The following ROBO2 variants were observed in gnomAD, a reference collection of about 807,000 sequenced individuals.
ROBO2 encodes the protein roundabout guidance receptor 2.
In ROBO2, 53 loss-of-function variants were observed where a neutral mutation model predicts 160.8. The observed-to-expected ratio is 0.33, with a 90% CI of 0.26 to 0.41. The LOEUF (loss-of-function observed/expected upper bound fraction) is 0.41, where lower values mean the gene tolerates loss of function less well. Among genes scored for constraint, ROBO2 ranks in the 10% least tolerant of loss-of-function variants. The pLI is 1.00. For missense variants in ROBO2, 1,577 were observed against 1,722.4 expected, an observed-to-expected ratio of 0.92 and a Z score of 1.49; for synonymous variants, 664 against 611.7, an observed-to-expected ratio of 1.09 and a Z score of -1.26.
intron 6 of ROBO2, among the ~76,000 whole-genome samples, chr3:77,534,874 G>C (rs544090851): frequency 6.6e-5 from 10 of 152,116 alleles, no homozygotes; most frequent in Non-Finnish European, 2.9e-5. Flanking sequence ...TACATGTGGT[G>C]GGGGCACACA....
At chr3:76,051,214 T>C (rs2067643843) in intron 2 of ROBO2, among the ~76,000 whole-genome samples, 1 of 152,126 alleles carries the variant, frequency 6.6e-6, no homozygotes, top group African/African-American at 2.4e-5. Flanking sequence ...AACTCTAAAA[T>C]ACATTTTCTT....
intron 2 of ROBO2, among the ~76,000 whole-genome samples, chr3:77,473,614 A>C (rs1259331632): frequency 6.6e-6 from 1 of 151,448 alleles, no homozygotes; most frequent in South Asian, 2.1e-4. Context: ...CCACTGCGCC[A>C]GGCTAATTTT....
chr3:76,812,318 T>C (rs961322320), intron 2 of ROBO2, among the ~76,000 whole-genome samples: 1 of 115,404 alleles, frequency 8.7e-6, no homozygotes, highest in Non-Finnish European at 1.9e-5. Context: ...TTAAAAATTA[T>C]ACAAATTTTA....
chr3:77,237,873 CCTG>C, intron 2 of ROBO2, among the ~76,000 whole-genome samples: 2 of 152,274 alleles, frequency 1.3e-5, no homozygotes, highest in East Asian at 3.9e-4. Context: ...AATGACAGTT[CCTG>C]TTGATCCACA....
At chr3:76,197,498 A>G (rs184764440) in intron 2 of ROBO2, among the ~76,000 whole-genome samples, 145 of 140,854 alleles carry the variant, frequency 1.0e-3, no homozygotes, top group Middle Eastern at 5.1e-3. Context: ...ATCTGGGACT[A>G]CCTTTCTCCT....
chr3:75,996,811 C>T (rs553962413), intron 2 of ROBO2, among the ~76,000 whole-genome samples: 4 of 149,874 alleles, frequency 2.7e-5, no homozygotes, highest in African/African-American at 9.8e-5. Flanking sequence ...TGTAAATCAT[C>T]AATTCTGATA....
At chr3:77,305,165 T>C (rs1320487724) in intron 2 of ROBO2, among the ~76,000 whole-genome samples, 1 of 152,212 alleles carries the variant, frequency 6.6e-6, no homozygotes, top group Non-Finnish European at 1.5e-5. Flanking sequence ...TTTAGGGAGA[T>C]TTTCACTCTT....
At chr3:77,321,929 G>C (rs2064750616) in intron 2 of ROBO2, among the ~76,000 whole-genome samples, 1 of 152,058 alleles carries the variant, frequency 6.6e-6, no homozygotes, top group Non-Finnish European at 1.5e-5. Context: ...CAAGAGTTTG[G>C]GCACAGTGCA....
chr3:77,622,111 G>A, intron 22 of ROBO2, 116 bp from the exon 24 acceptor site: 2 of 882,840 alleles, frequency 2.3e-6, no homozygotes, highest in Admixed American at 5.0e-5. Context: ...TCCTAAATTA[G>A]TTAATGGAAA....
intron 2 of ROBO2, among the ~76,000 whole-genome samples, chr3:76,732,593 ATT>A (rs1388038747): frequency 6.6e-6 from 1 of 151,982 alleles, no homozygotes; most frequent in African/African-American, 2.4e-5. Context: ...GTTTTATTAA[ATT>A]TTTTTGGCCC....
At chr3:76,629,251 T>C (rs1429660933) in intron 2 of ROBO2, among the ~76,000 whole-genome samples, 1 of 152,196 alleles carries the variant, frequency 6.6e-6, no homozygotes, top group Non-Finnish European at 1.5e-5. Flanking sequence ...GCAACCAAAA[T>C]ATAGTAACAA....
At chr3:77,311,703 T>G (rs1302277180) in intron 2 of ROBO2, among the ~76,000 whole-genome samples, 1 of 152,188 alleles carries the variant, frequency 6.6e-6, no homozygotes, top group African/African-American at 2.4e-5. Flanking sequence ...AGGATATGCT[T>G]TAATGTGGAT....
intron 2 of ROBO2, among the ~76,000 whole-genome samples, chr3:76,708,898 C>A (rs2093228458): frequency 6.6e-6 from 1 of 152,154 alleles, no homozygotes; most frequent in Non-Finnish European, 1.5e-5. Flanking sequence ...TAAAGCAAAT[C>A]AACGAGCAGA....
chr3:76,841,376 C>T (rs1034738995), intron 2 of ROBO2, among the ~76,000 whole-genome samples: 1 of 152,044 alleles, frequency 6.6e-6, no homozygotes, highest in African/African-American at 2.4e-5. Flanking sequence ...CTTATAGATG[C>T]CAACACCACA....
chr3:77,155,071 A>ATAAC (rs1412648627), intron 2 of ROBO2, among the ~76,000 whole-genome samples: 3 of 151,902 alleles, frequency 2.0e-5, no homozygotes, highest in Non-Finnish European at 4.4e-5. Flanking sequence ...AAATAAATAA[A>ATAAC]TAAATAAATA....
In ROBO2 at chr3:77,522,903, G is replaced by A; in HGVS notation, c.934+1G>A. Reference sequence around the variant, plus strand: ...GCCTCTGCTACACTCACCGTCCGAGGTAAGAGATTTAAGATGTCAAAGATA... The same window carrying A: ...GCCTCTGCTACACTCACCGTCCGAGATAAGAGATTTAAGATGTCAAAGATA... On this transcript the variant is annotated splice_donor_variant, in intron 6 of 25. Transcript: ENST00000461745. LOFTEE classifies it high-confidence loss of function. 6.2e-7 allele frequency: 1 copy of A among 1,608,914 alleles called. No homozygotes were observed. The highest frequency in any genetic ancestry group is 8.5e-7 in the Non-Finnish European group (1 of 1,176,286).
At chr3:76,125,681 T>C (rs1303518588) in intron 2 of ROBO2, among the ~76,000 whole-genome samples, 1 of 152,060 alleles carries the variant, frequency 6.6e-6, no homozygotes, top group Non-Finnish European at 1.5e-5. Context: ...CATTTTAAAG[T>C]TAAGATTGTG....
intron 2 of ROBO2, among the ~76,000 whole-genome samples, chr3:76,236,903 A>G (rs1704980891): frequency 6.6e-6 from 1 of 151,974 alleles, no homozygotes; most frequent in African/African-American, 2.4e-5. Context: ...ATATACCCCT[A>G]GTGTATATAA....
At chr3:76,252,814 GT>G (rs201730273) in intron 2 of ROBO2, among the ~76,000 whole-genome samples, 3 of 146,798 alleles carry the variant, frequency 2.0e-5, no homozygotes, top group East Asian at 2.0e-4. Context: ...GTTTTGCTTT[GT>G]TTTTTTTTGA....
Sources: allele counts gnomAD v4.1 joint callset (sites outside exome capture counted in the v4.1 genomes callset), GRCh38; gene constraint gnomAD v4.1.1; transcripts MANE v1.5; gene names NCBI Gene and HGNC (gene_info 2026-07-23, HGNC 2026-07-21).